The following PAG1 variants were observed in gnomAD, a reference collection of about 807,000 sequenced individuals.
PAG1 encodes phosphoprotein associated with glycosphingolipid-enriched microdomains 1.
Under a neutral mutation model 31.7 loss-of-function variants are expected in PAG1, and 23 were observed. That is an observed-to-expected ratio of 0.73 (90% CI 0.52 to 1.03). PAG1 has a LOEUF of 1.03. Ranked by LOEUF, PAG1 falls within the 50% of genes least tolerant of loss-of-function variation. The pLI is 0.00. For missense variants in PAG1, 473 were observed against 540.7 expected, an observed-to-expected ratio of 0.87 and a Z score of 1.24; for synonymous variants, 214 against 210.3, an observed-to-expected ratio of 1.02 and a Z score of -0.15.
At chr8:81,036,166 C>T (rs1313798478) in intron 2 of PAG1, among the ~76,000 whole-genome samples, 1 of 152,124 alleles carries the variant, frequency 6.6e-6, no homozygotes, top group Non-Finnish European at 1.5e-5. Context: ...CTATCTCTCC[C>T]AACTTTGGGG....
intron 3 of PAG1, among the ~76,000 whole-genome samples, chr8:80,993,910 A>C (rs1807615382): frequency 6.6e-6 from 1 of 152,108 alleles, no homozygotes; most frequent in African/African-American, 2.4e-5. Flanking sequence ...GCCTGGATGG[A>C]TTCTTAATGT....
At chr8:81,044,577 C>T in intron 2 of PAG1, among the ~76,000 whole-genome samples, 1 of 152,186 alleles carries the variant, frequency 6.6e-6, no homozygotes, top group Admixed American at 6.5e-5. Context: ...GGAGAGAATA[C>T]ATTTCTACTG....
At chr8:81,080,872 T>C (rs982707563) in intron 1 of PAG1, among the ~76,000 whole-genome samples, 3 of 152,110 alleles carry the variant, frequency 2.0e-5, no homozygotes, top group African/African-American at 4.8e-5. Flanking sequence ...TGAATTTCAG[T>C]CTCACAGCTA....
chr8:81,024,655 A>T (rs944215655), intron 3 of PAG1, among the ~76,000 whole-genome samples: 12 of 152,164 alleles, frequency 7.9e-5, no homozygotes, highest in Non-Finnish European at 1.5e-4. Flanking sequence ...CCATGGGAAA[A>T]ATTTGTTCAA....
At chr8:81,073,690 T>C (rs866128547) in intron 1 of PAG1, among the ~76,000 whole-genome samples, 10 of 152,318 alleles carry the variant, frequency 6.6e-5, no homozygotes, top group Middle Eastern at 6.8e-3. Flanking sequence ...AGGTGGGGGT[T>C]TCGATATTGA....
At chr8:81,080,443 G>C (rs1809248004) in intron 1 of PAG1, among the ~76,000 whole-genome samples, 1 of 152,138 alleles carries the variant, frequency 6.6e-6, no homozygotes, top group South Asian at 2.1e-4. Context: ...TTGGTAGCTA[G>C]GTGGGTAGAG....
intron 2 of PAG1, chr8:81,058,529 G>T (rs1808865169): frequency 6.6e-6 from 1 of 152,302 alleles, no homozygotes; most frequent in South Asian, 2.1e-4. Context: ...CCCAGGAGTT[G>T]GAGGCTGCGC....
chr8:81,007,312 T>C (rs150951921), intron 3 of PAG1, among the ~76,000 whole-genome samples: 449 of 152,156 alleles, frequency 3.0e-3, no homozygotes, highest in Non-Finnish European at 4.2e-3. Flanking sequence ...TACAAGGTTC[T>C]ATTAAGAACT....
intron 2 of PAG1, among the ~76,000 whole-genome samples, chr8:81,061,761 A>G (rs1808920823): frequency 6.6e-6 from 1 of 152,196 alleles, no homozygotes; most frequent in African/African-American, 2.4e-5. Flanking sequence ...TTAAAACGTA[A>G]AAAAGGAAAG....
intron 1 of PAG1, among the ~76,000 whole-genome samples, chr8:81,087,967 A>T (rs1226202392): frequency 6.6e-6 from 1 of 152,166 alleles, no homozygotes; most frequent in Non-Finnish European, 1.5e-5. Flanking sequence ...GGGGGGAAAA[A>T]ATACTGATTT....
rs549645377 is a variant in PAG1, at chr8:81,070,274, T to C, written c.-233-104A>G. 11 of 152,324 alleles carry C rather than the reference T, an allele frequency of 7.2e-5. No individual in the cohort carries two copies. The East Asian group carries it at 1.7e-3, about 24-fold the overall frequency. 9.4% of individuals were successfully genotyped at this position (152,324 alleles called of 1,614,324 possible). On this transcript the variant is annotated intron_variant, in intron 1 of 8. Coordinates refer to ENST00000220597, the MANE Select transcript of PAG1 (RefSeq NM_018440.4). ...CATCTTGTTATTTACTTATTTAACA[T>C]TTGGCCAACAGTAAGCAACTGAAAA... is the stretch of plus-strand genomic sequence containing the variant.
chr8:81,110,328 T>A (rs1459898891), intron 1 of PAG1, among the ~76,000 whole-genome samples: 1 of 152,224 alleles, frequency 6.6e-6, no homozygotes, highest in East Asian at 1.9e-4. Context: ...ATTCCTCTTA[T>A]TTATAATATT....
intron 2 of PAG1, among the ~76,000 whole-genome samples, chr8:81,057,964 T>C (rs1275174840): frequency 6.6e-6 from 1 of 152,152 alleles, no homozygotes; most frequent in Admixed American, 6.5e-5. Flanking sequence ...TTAAACTCCT[T>C]GTCTAGCAGA....
chr8:80,976,822 A>G lies in PAG1; in HGVS notation c.1021T>C (p.Tyr341His), dbSNP rs2130328822. The G allele has an allele frequency of 6.2e-7, 1 of 1,611,338 alleles. No homozygotes were observed. Among genetic ancestry groups the G allele is most frequent in the East Asian group, 2.2e-5 (1 of 44,682 alleles). The change falls in exon 9 of 9, where the codon TAC becomes CAC. Residue 341 changes from tyrosine to histidine, a missense_variant. Transcript: ENST00000220597. ...GQSLTVPEST[Y>H]TSIQGDPQRS... is the part of the protein sequence containing the mutation. ...TGTGGGTCCCCTTGAATGGAGGTGT[A>G]GGTGGACTCCGGAACTGTAAGCGAC...
chr8:80,968,311 CA>C lies in PAG1; in HGVS notation c.*8232del, dbSNP rs1344209889. 1.3e-5 allele frequency: 2 copies of C among 152,198 alleles called. No individual in the cohort carries two copies. The highest frequency in any genetic ancestry group is 4.8e-5 in the African/African-American group (2 of 41,454). 9.4% of individuals were successfully genotyped at this position (152,198 alleles called of 1,614,324 possible). ...AGGCAATGGTTAGTATCATTATCCC[CA>C]TTTTGTATATGGAGAAACTGAGGCA... On this transcript the variant is annotated 3_prime_UTR_variant, in exon 9 of 9. Coordinates refer to ENST00000220597, the MANE Select transcript of PAG1 (RefSeq NM_018440.4).
intron 3 of PAG1, among the ~76,000 whole-genome samples, chr8:80,995,169 G>A (rs563254289): frequency 1.3e-5 from 2 of 152,342 alleles, no homozygotes; most frequent in East Asian, 3.9e-4. Context: ...TGAAGAAAAA[G>A]AGACTTTTAC....
At chr8:81,092,662 G>T (rs1339436301) in intron 1 of PAG1, among the ~76,000 whole-genome samples, 1 of 152,136 alleles carries the variant, frequency 6.6e-6, no homozygotes, top group African/African-American at 2.4e-5. Context: ...TTAAAATTAA[G>T]TTCTTCATTG....
At chr8:81,070,388 G>C (rs1809073068) in intron 1 of PAG1, among the ~76,000 whole-genome samples, 1 of 152,098 alleles carries the variant, frequency 6.6e-6, no homozygotes, top group Non-Finnish European at 1.5e-5. Flanking sequence ...AAAACATCCA[G>C]ACCTAAACAT....
rs78143100 is a variant in PAG1, at chr8:80,990,012, C to T, written c.177+1467G>A. ...GGCCTGGAGTCTGCATGGGGAGAAG[C>T]GACAGTGGGGCGTTCCCTCCATCCC... On this transcript the variant is annotated intron_variant, in intron 5 of 8. Coordinates refer to ENST00000220597, the MANE Select transcript of PAG1 (RefSeq NM_018440.4). The surrounding 1 kb of genome is among the most constrained non-coding windows in gnomAD (Gnocchi z 5.1). 0.01 allele frequency among the ~76,000 whole-genome samples: 1,528 copies of T among 152,150 alleles called. 25 individuals are homozygous for T. Among genetic ancestry groups the T allele is most frequent in the African/African-American group, 0.034 (1,401 of 41,486 alleles).
Sources: allele counts gnomAD v4.1 joint callset (sites outside exome capture counted in the v4.1 genomes callset), GRCh38; gene constraint gnomAD v4.1.1; non-coding constraint Gnocchi (gnomAD v3.1); transcripts MANE v1.5; gene names NCBI Gene and HGNC (gene_info 2026-07-23, HGNC 2026-07-21).